The following CCDC40 variants were observed in gnomAD, a reference collection of about 807,000 sequenced individuals.
CCDC40 encodes coiled-coil domain-containing protein 40.
In CCDC40, 104 loss-of-function variants were observed where a neutral mutation model predicts 124.5. The observed-to-expected ratio is 0.84, with a 90% confidence interval of 0.71 to 0.98. The LOEUF is 0.98. CCDC40 is among the 50% of genes least tolerant of loss of function. CCDC40 has a pLI of 0.00. For missense variants in CCDC40, 1,463 were observed against 1,503.9 expected, an observed-to-expected ratio of 0.97 and a Z score of 0.45; for synonymous variants, 580 against 602.9, an observed-to-expected ratio of 0.96 and a Z score of 0.56.
intron 10 of CCDC40, among the ~76,000 whole-genome samples, chr17:80,070,582 C>G (rs139979509): frequency 6.6e-6 from 1 of 152,152 alleles, no homozygotes; most frequent in African/African-American, 2.4e-5. Context: ...GCCTGGGCAA[C>G]AGAGCAAGAC....
chr17:80,097,242 T>C lies in CCDC40; in HGVS notation c.3022-3T>C, dbSNP rs778464549. The C allele has an allele frequency of 1.2e-6, 2 of 1,613,762 alleles. No homozygotes were observed. Among genetic ancestry groups the C allele is most frequent in the African/African-American group, 2.7e-5 (2 of 74,908 alleles). On this transcript the variant is annotated splice_region_variant and splice_polypyrimidine_tract_variant and intron_variant, in intron 18 of 19. Coordinates refer to ENST00000397545, the MANE Select transcript of CCDC40 (RefSeq NM_017950.4). The stretch of plus-strand genomic sequence containing the variant: ...GCCCAGCATGGTCCTGTGATTCTCC[T>C]AGGCCACCGATGAGTGCACCAAAAC...
chr17:80,084,308 G>C (rs1172997755), intron 12 of CCDC40, among the ~76,000 whole-genome samples: 2 of 152,192 alleles, frequency 1.3e-5, no homozygotes, highest in Admixed American at 1.3e-4. Context: ...GCAGGAGAGA[G>C]AGTGTGTGTG....
chr17:80,054,611 C>T (rs2037691195), intron 7 of CCDC40, among the ~76,000 whole-genome samples: 1 of 152,174 alleles, frequency 6.6e-6, no homozygotes, highest in South Asian at 2.1e-4. Flanking sequence ...GTAGGATTTA[C>T]TTCCAGAATT....
chr17:80,080,478 T>G (rs148314837), intron 10 of CCDC40, among the ~76,000 whole-genome samples: 516 of 152,354 alleles, frequency 3.4e-3, no homozygotes, highest in African/African-American at 0.012. Flanking sequence ...AGGTATCTCA[T>G]CGCAGCATGC....
At chr17:80,091,906 C>G (rs907854191) in intron 17 of CCDC40, among the ~76,000 whole-genome samples, 1 of 151,844 alleles carries the variant, frequency 6.6e-6, no homozygotes, top group Non-Finnish European at 1.5e-5. Flanking sequence ...GTACCTTCTT[C>G]TCAGTTCTGG....
At chr17:80,095,067 C>T (rs2038782742) in intron 17 of CCDC40, among the ~76,000 whole-genome samples, 196 bp from the exon 18 acceptor site, 1 of 152,244 alleles carries the variant, frequency 6.6e-6, no homozygotes, top group Non-Finnish European at 1.5e-5. Flanking sequence ...GCACTGTCTG[C>T]CTGTGGATTC....
chr17:80,087,915 C>A lies in CCDC40; in HGVS notation c.2620-96C>A. The A allele has an allele frequency of 7.8e-7, 1 of 1,278,086 alleles. No homozygotes were observed. The highest frequency in any genetic ancestry group is 1.1e-6 in the Non-Finnish European group (1 of 875,318). The allele number at this position is 1,278,086 out of a possible 1,614,324, so 79.2% of individuals were successfully genotyped here. ...GTAGGGGTATTAGAAATCCAGCCTG[C>A]AGCCCTGCCCTCGGTGCCGGGATAG... On this transcript the variant is annotated intron_variant, in intron 15 of 19. Coordinates refer to ENST00000397545, the MANE Select transcript of CCDC40 (RefSeq NM_017950.4). The surrounding 1 kb of genome is among the most constrained non-coding windows in gnomAD (Gnocchi z 4.5).
intron 10 of CCDC40, among the ~76,000 whole-genome samples, chr17:80,080,669 C>T (rs577924613): frequency 6.6e-6 from 1 of 152,294 alleles, no homozygotes; most frequent in East Asian, 1.9e-4. Flanking sequence ...AGATGAGAAC[C>T]CCTAGCCCAA....
In CCDC40 at chr17:80,058,044, C is replaced by T. The variant is rs956121601; in HGVS notation, c.1160-450C>T. ...CTCTCTGGCCTGCACTGCTGTGCAG[C>T]GGTGTCAGTGCAGGGGCATCTGTGG... On this transcript the variant is annotated intron_variant, in intron 7 of 19. Transcript: ENST00000397545. This position sits in a 1 kb window ranked among gnomAD's most constrained non-coding sequence, Gnocchi z 4.2. 3.3e-5 allele frequency among the ~76,000 whole-genome samples: 5 copies of T among 152,142 alleles called. No homozygotes were observed. Among genetic ancestry groups the T allele is most frequent in the African/African-American group, 7.2e-5 (3 of 41,446 alleles).
chr17:80,071,528 G>A (rs1267301713), intron 10 of CCDC40, among the ~76,000 whole-genome samples: 1 of 152,132 alleles, frequency 6.6e-6, no homozygotes, highest in Admixed American at 6.6e-5. Flanking sequence ...GATTCCATCC[G>A]TTCTTTTTGT....
intron 9 of CCDC40, 144 bp from the exon 10 acceptor site, chr17:80,065,341 C>T: frequency 2.7e-6 from 3 of 1,119,274 alleles, no homozygotes; most frequent in Non-Finnish European, 2.7e-6. Context: ...TCGTGTTTAC[C>T]CCTCTGCAGA....
Position 80,050,150 on chromosome 17 carries a change from G to A in CCDC40, c.1026G>A (p.Gln342=). ...YEVQQHLVHL[Q]KLLEKSHDRH... Reference sequence around the variant, plus strand: ...TGCAGCAGCACCTGGTACACCTGCAGAAGCTGCTGGAGAAGAGTCACGACC... The same window carrying A: ...TGCAGCAGCACCTGGTACACCTGCAAAAGCTGCTGGAGAAGAGTCACGACC... Residue 342 remains glutamine (Q), a synonymous_variant, in exon 7 of 20, where the codon CAG becomes CAA. Coordinates refer to ENST00000397545, the MANE Select transcript of CCDC40 (RefSeq NM_017950.4). 1 of 1,613,750 alleles carries A rather than the reference G, an allele frequency of 6.2e-7. No individual in the cohort carries two copies. Among genetic ancestry groups the A allele is most frequent in the Non-Finnish European group, 8.5e-7 (1 of 1,180,012 alleles).
At chr17:80,049,854 G>C (rs888405539) in intron 5 of CCDC40, 52 bp from the exon 6 acceptor site, 1 of 1,530,318 alleles carries the variant, frequency 6.5e-7, no homozygotes, top group Non-Finnish European at 9.1e-7. Flanking sequence ...GCCCTGGGTC[G>C]GGCAGGAGGG....
intron 7 of CCDC40, among the ~76,000 whole-genome samples, chr17:80,051,639 A>G (rs1436146881): frequency 1.1e-5 from 1 of 93,920 alleles, no homozygotes; most frequent in East Asian, 2.8e-4. Context: ...AAAAAAAAAA[A>G]AAAAAAAAAA....
intron 17 of CCDC40, chr17:80,090,598 C>G: frequency 6.7e-7 from 1 of 1,485,280 alleles, no homozygotes; most frequent in Non-Finnish European, 8.9e-7. Flanking sequence ...TCTAACGTAT[C>G]CCACTGTGAG....
intron 17 of CCDC40, chr17:80,090,240 TGC>T (rs1567813295): frequency 1.7e-5 from 15 of 879,704 alleles, no homozygotes; most frequent in South Asian, 1.0e-4. Context: ...CGCAGGCACG[TGC>T]ACGAACAACA....
intron 10 of CCDC40, among the ~76,000 whole-genome samples, chr17:80,072,384 A>G (rs1248113280): frequency 6.6e-6 from 1 of 152,198 alleles, no homozygotes; most frequent in Non-Finnish European, 1.5e-5. Flanking sequence ...AAGACTCATT[A>G]GCATGTCAGC....
rs561899141 is a variant in CCDC40 at position 80,097,177 on chromosome 17, C to G, written c.3022-68C>G. 4.5e-5 allele frequency: 71 copies of G among 1,567,280 alleles called. No individual in the cohort carries two copies. The African/African-American group carries it at 9.0e-4, about 20-fold the overall frequency. ...GAAGGTGCCTGGCAGGTCCTCCCAG[C>G]CTGACTCTTCCCTGTCCGCCAAGTA... On this transcript the variant is annotated intron_variant, in intron 18 of 19. Coordinates refer to ENST00000397545, the MANE Select transcript of CCDC40 (RefSeq NM_017950.4).
At chr17:80,069,820 GAAAGA>G (rs1004191501) in intron 10 of CCDC40, among the ~76,000 whole-genome samples, 7 of 151,566 alleles carry the variant, frequency 4.6e-5, no homozygotes, top group East Asian at 1.9e-4. Context: ...AAAAAAGAAA[GAAAGA>G]AAAGAAAAGA....
Sources: allele counts gnomAD v4.1 joint callset (sites outside exome capture counted in the v4.1 genomes callset), GRCh38; gene constraint gnomAD v4.1.1; non-coding constraint Gnocchi (gnomAD v3.1); transcripts MANE v1.5; gene names NCBI Gene and HGNC (gene_info 2026-07-23, HGNC 2026-07-21).